PTBP3: variants seen among roughly 807,000 people sequenced by gnomAD.
The protein encoded by PTBP3 is polypyrimidine tract binding protein 3, also known as polypyrimidine tract-binding protein 3.
A neutral mutation model predicts 58.7 loss-of-function variants in PTBP3; 20 were observed. The observed-to-expected ratio is 0.34, with a 90% CI of 0.24 to 0.50. The LOEUF (loss-of-function observed/expected upper bound fraction) is 0.50. Among genes scored for constraint, PTBP3 ranks in the 20% least tolerant of loss-of-function variants. The pLI is 0.98. For missense variants in PTBP3, 509 were observed against 637.2 expected (o/e 0.80, Z 2.17); for synonymous variants, 185 against 219.8 (o/e 0.84, Z 1.40).
chr9:112,221,527 A>T lies in PTBP3; in HGVS notation c.*2324T>A. 3 of 985,798 alleles carry T rather than the reference A, an allele frequency of 3.0e-6. No homozygotes were observed. Among genetic ancestry groups the T allele is most frequent in the Non-Finnish European group, 3.6e-6 (3 of 829,886 alleles). 61.1% of individuals were successfully genotyped at this position (985,798 alleles called of 1,614,324 possible). ...AATTTAACATGGCACTGAAAATTAT[A>T]ATAGTGCCTGTGTGGAAGGGAAAAA... On this transcript the variant is annotated 3_prime_UTR_variant, in exon 14 of 14. Coordinates refer to ENST00000374257, the MANE Select transcript of PTBP3 (RefSeq NM_001163788.4).
intron 7 of PTBP3, among the ~76,000 whole-genome samples, chr9:112,239,002 C>T (rs1160509216): frequency 6.6e-6 from 1 of 152,118 alleles, no homozygotes; most frequent in Non-Finnish European, 1.5e-5. Context: ...ATGGTTTAAT[C>T]ACTGATTGTA....
chr9:112,262,886 T>A (rs1225721196), intron 4 of PTBP3, among the ~76,000 whole-genome samples: 1 of 152,196 alleles, frequency 6.6e-6, no homozygotes, highest in Non-Finnish European at 1.5e-5. Context: ...CCTAATTTTT[T>A]AAAGACAATG....
intron 2 of PTBP3, among the ~76,000 whole-genome samples, chr9:112,288,594 G>A (rs901585056): frequency 1.1e-4 from 17 of 152,266 alleles, no homozygotes; most frequent in African/African-American, 4.1e-4. Flanking sequence ...GCACAATCCT[G>A]TTGTACTTGT....
intron 5 of PTBP3, among the ~76,000 whole-genome samples, chr9:112,259,893 T>C (rs921060064): frequency 6.6e-6 from 1 of 152,220 alleles, no homozygotes; most frequent in South Asian, 2.1e-4. Context: ...GTTTCTTACA[T>C]TGCTCTTTAC....
chr9:112,378,641 C>T, the PTBP3 span, among the ~76,000 whole-genome samples: 8 of 152,338 alleles, frequency 5.3e-5, no homozygotes, highest in South Asian at 1.7e-3. Flanking sequence ...TCTATCAACA[C>T]TCTTCTTAAA....
Position 112,219,382 on chromosome 9 carries a change from G to A in PTBP3, c.*4469C>T, listed in dbSNP as rs542595917. 95 of 152,422 alleles carry A rather than the reference G, an allele frequency of 6.2e-4. No homozygotes were observed. Among genetic ancestry groups the A allele is most frequent in the East Asian group, 9.6e-4 (5 of 5,182 alleles). The allele number at this position is 152,422 out of a possible 1,614,324, so 9.4% of individuals were successfully genotyped here. A position where few individuals can be genotyped will look rare whatever the true frequency, so the allele number is the denominator to read the frequency against. ...TATTACAACTACTACATAGATCCAA[G>A]AAGTGAAAATAATACAACAACAAAT... On this transcript the variant is annotated 3_prime_UTR_variant, in exon 14 of 14. Coordinates refer to ENST00000374257, the MANE Select transcript of PTBP3 (RefSeq NM_001163788.4).
intron 1 of PTBP3, among the ~76,000 whole-genome samples, chr9:112,314,974 G>A (rs1274412282): frequency 2.0e-5 from 3 of 152,014 alleles, no homozygotes; most frequent in South Asian, 4.1e-4. Flanking sequence ...TGGGACTACA[G>A]GCACACGCTG....
the PTBP3 span, among the ~76,000 whole-genome samples, chr9:112,344,158 G>A: frequency 3.9e-5 from 6 of 151,940 alleles, no homozygotes; most frequent in African/African-American, 1.5e-4. Context: ...TTTTGTTTAA[G>A]CTTCTATTAA....
chr9:112,228,237 C>T, intron 11 of PTBP3, 143 bp downstream of exon 11: 2 of 574,018 alleles, frequency 3.5e-6, no homozygotes, highest in South Asian at 5.4e-5. Context: ...AACATATAGA[C>T]AGATGCAAAT....
the PTBP3 span, among the ~76,000 whole-genome samples, chr9:112,338,781 T>C: frequency 6.6e-6 from 1 of 152,238 alleles, no homozygotes; most frequent in Non-Finnish European, 1.5e-5. Context: ...TCTCAGCAGC[T>C]ATGAATCACG....
chr9:112,231,931 AGAG>A (rs1449695113), intron 9 of PTBP3, among the ~76,000 whole-genome samples, 165 bp downstream of exon 9: 1 of 71,980 alleles, frequency 1.4e-5, no homozygotes, highest in Non-Finnish European at 2.8e-5. Flanking sequence ...AGAGAAGAGA[AGAG>A]AAGAGAAGAG....
Position 112,221,050 on chromosome 9 carries a change from A to G in PTBP3, c.*2801T>C, listed in dbSNP as rs978635310. ...GCCAACACAAATACTGTAGACCTCT[A>G]TAATTCAAACAGCAAATAGCTTAAT... On this transcript the variant is annotated 3_prime_UTR_variant, in exon 14 of 14. Transcript: ENST00000374257. 6 of 981,912 alleles carry G rather than the reference A, an allele frequency of 6.1e-6. No individual in the cohort carries two copies. The East Asian group carries it at 5.7e-4, about 93-fold the overall frequency. 60.8% of individuals were successfully genotyped at this position (981,912 alleles called of 1,614,324 possible).
At chr9:112,284,178 G>A (rs1223295329) in intron 2 of PTBP3, among the ~76,000 whole-genome samples, 1 of 152,180 alleles carries the variant, frequency 6.6e-6, no homozygotes, top group African/African-American at 2.4e-5. Context: ...GAGCGCCACT[G>A]TCCTCCAGAT....
intron 4 of PTBP3, among the ~76,000 whole-genome samples, chr9:112,266,483 A>G (rs938851664): frequency 6.6e-6 from 1 of 152,220 alleles, no homozygotes. Context: ...TGTCCCAGCA[A>G]TTTCATACAT....
intron 7 of PTBP3, among the ~76,000 whole-genome samples, chr9:112,238,243 A>G (rs1324038271): frequency 1.3e-5 from 2 of 152,220 alleles, no homozygotes; most frequent in Non-Finnish European, 2.9e-5. Flanking sequence ...TCTGTAGTAC[A>G]GGAGACACTT....
At chr9:112,277,926 C>CATAACATAAT (rs1564427515) in intron 2 of PTBP3, among the ~76,000 whole-genome samples, 1 of 115,156 alleles carries the variant, frequency 8.7e-6, no homozygotes, top group African/African-American at 3.7e-5. Context: ...CATAACATAA[C>CATAACATAAT]ATAACATAAC....
chr9:112,221,391 A>G lies in PTBP3; in HGVS notation c.*2460T>C, dbSNP rs113848481. The G allele has an allele frequency of 1.0e-6, 1 of 985,840 alleles. No individual in the cohort carries two copies. Among genetic ancestry groups the G allele is most frequent in the African/African-American group, 1.7e-5 (1 of 57,364 alleles). The allele number at this position is 985,840 out of a possible 1,614,324, so 61.1% of individuals were successfully genotyped here. The stretch of plus-strand genomic sequence containing the variant: ...CTTCAAAGTTACATTCAACACCACT[A>G]TGATCCCCTTCCGTTATTAGCAACT... On this transcript the variant is annotated 3_prime_UTR_variant, in exon 14 of 14. Transcript: ENST00000374257.
upstream of PTBP3, among the ~76,000 whole-genome samples, chr9:112,337,412 C>T (rs1298770916): frequency 6.6e-6 from 1 of 152,146 alleles, no homozygotes; most frequent in Non-Finnish European, 1.5e-5. Flanking sequence ...GAGTTTAGCT[C>T]CTCAAGAACC....
intron 1 of PTBP3, among the ~76,000 whole-genome samples, chr9:112,329,413 CAA>C (rs5900000): frequency 2.8e-4 from 42 of 150,418 alleles, no homozygotes; most frequent in East Asian, 2.4e-3. Context: ...GGCTCCGCCT[CAA>C]AAAAAAAAAA....
Sources: gnomAD v4.1 joint callset for allele counts (sites outside exome capture counted in the v4.1 genomes callset) on GRCh38, gnomAD v4.1.1 for gene constraint, MANE v1.5 for transcripts, NCBI Gene and HGNC (gene_info 2026-07-23, HGNC 2026-07-21) for gene names.